The following GALK1 variants were observed in gnomAD, a reference collection of about 807,000 sequenced individuals.
GALK1 encodes the protein galactokinase.
In GALK1, 30 loss-of-function variants were observed where a neutral mutation model predicts 38.6. That is an observed-to-expected ratio of 0.78 (90% CI 0.58 to 1.05). GALK1 has a LOEUF of 1.05. Ranked by LOEUF, GALK1 falls within the 50% of genes least tolerant of loss-of-function variation. GALK1 has a pLI of 0.00. For synonymous variants in GALK1, 240 were observed against 233.6 expected, an observed-to-expected ratio of 1.03 and a Z score of -0.25; for missense variants, 512 against 540.5, an observed-to-expected ratio of 0.95 and a Z score of 0.52.
intron 5 of GALK1, among the ~76,000 whole-genome samples, chr17:75,759,449 G>C (rs1025790919): frequency 6.6e-6 from 1 of 151,470 alleles, no homozygotes; most frequent in African/African-American, 2.4e-5. Context: ...AAGAAAGAAA[G>C]AAAGAAATGA....
Position 75,752,292 on chromosome 17 carries a change from C to T in GALK1, c.*23-555G>A, listed in dbSNP as rs1003801308. 40 of 1,613,146 alleles carry T rather than the reference C, an allele frequency of 2.5e-5. No homozygotes were observed. The highest frequency in any genetic ancestry group is 9.3e-5 in the African/African-American group (7 of 74,936). ...ACACGGTGAAGGCGCGCAACGGGGC[C>T]GGCTGGGGGCCTGAGCGGGAGGCCA... On this transcript the variant is annotated intron_variant, in intron 8 of 8. Coordinates refer to the GALK1 transcript ENST00000225614.
chr17:75,763,566 T>A, intron 2 of GALK1, 127 bp from the exon 3 acceptor site: 1 of 1,119,058 alleles, frequency 8.9e-7, no homozygotes, highest in Non-Finnish European at 1.3e-6. Flanking sequence ...GTCTCAATTG[T>A]CAGAAGCCAC....
chr17:75,756,787 T>G, downstream of GALK1: 1 of 1,612,730 alleles, frequency 6.2e-7, no homozygotes, highest in African/African-American at 1.3e-5. Context: ...GCAGCTGAGC[T>G]GGGAGCGGCC....
At chr17:75,751,672 C>T (rs963858976) in exon 9 of GALK1, 5 of 216,716 alleles carry the variant, frequency 2.3e-5, no homozygotes, top group South Asian at 6.5e-5. Flanking sequence ...ACCCAGAAGG[C>T]GCAGGTTGCA....
chr17:75,754,640 GACC>G, downstream of GALK1: 1 of 1,614,024 alleles, frequency 6.2e-7, no homozygotes. Context: ...TGCACAGGAT[GACC>G]ACGACCAGTG....
downstream of GALK1, chr17:75,757,609 T>C: frequency 1.2e-6 from 2 of 1,607,916 alleles, no homozygotes; most frequent in Non-Finnish European, 1.7e-6. Context: ...CCGACTCCTC[T>C]CCCGGAGCCT....
chr17:75,752,241 C>A lies in GALK1; in HGVS notation c.*23-504G>T, dbSNP rs145351926. On this transcript the variant is annotated intron_variant, in intron 8 of 8. Coordinates refer to the GALK1 transcript ENST00000225614. Reference sequence around the variant, plus strand: ...AGAACCGGATGCTGCTTATTGAGAACCTTCGGGAGTCCCAGCCCTACCGCT... The same window carrying A: ...AGAACCGGATGCTGCTTATTGAGAAACTTCGGGAGTCCCAGCCCTACCGCT... 50 of 1,613,714 alleles carry A rather than the reference C, an allele frequency of 3.1e-5. No individual in the cohort carries two copies. Among genetic ancestry groups the A allele is most frequent in the South Asian group, 5.5e-5 (5 of 91,092 alleles).
chr17:75,755,865 C>T, downstream of GALK1: 1 of 1,598,880 alleles, frequency 6.3e-7, no homozygotes, highest in Non-Finnish European at 8.5e-7. Context: ...GGCATGGTGG[C>T]TGCCAGGCTG....
chr17:75,764,785 G>C (rs1257202979), intron 1 of GALK1, 187 bp downstream of exon 1: 1 of 685,840 alleles, frequency 1.5e-6, no homozygotes, highest in East Asian at 2.7e-5. Flanking sequence ...CCACTTCCTC[G>C]CTTCCTCCCT....
At position 75,758,322 on chromosome 17, in the gene GALK1, G is replaced by A. The variant is rs886053419; in HGVS notation, c.995C>T (p.Ala332Val). 1.4e-5 allele frequency: 23 copies of A among 1,593,790 alleles called. No homozygotes were observed. The highest frequency in any genetic ancestry group is 1.6e-4 in the Middle Eastern group (1 of 6,066). The change falls in exon 7 of 8, where the codon GCG becomes GTG. Residue 332 changes from alanine (A) to valine (V), a missense_variant. Coordinates refer to ENST00000588479, the MANE Select transcript of GALK1 (RefSeq NM_000154.2). ...GCCATAAACCCCAGGCACAGCAAGCGCAGCCTCCACCAGCTGGTCCAGCTC... is the reference window on the plus strand; with the variant it reads ...GCCATAAACCCCAGGCACAGCAAGCACAGCCTCCACCAGCTGGTCCAGCTC... Reference protein sequence around the residue: ...CPELDQLVEAALAVPGVYGSR... With the variant: ...CPELDQLVEAVLAVPGVYGSR...
downstream of GALK1, chr17:75,755,707 G>T (rs775852591): frequency 6.2e-7 from 1 of 1,612,822 alleles, no homozygotes; most frequent in Non-Finnish European, 8.5e-7. Context: ...CCAGACTCTC[G>T]CCTGACTGCT....
downstream of GALK1, chr17:75,755,085 G>A: frequency 5.6e-6 from 9 of 1,601,058 alleles, no homozygotes; most frequent in Non-Finnish European, 7.7e-6. Context: ...CACGGGAGGA[G>A]CAGGCTTCCG....
chr17:75,754,033 G>A (rs1163010958), downstream of GALK1: 4 of 819,732 alleles, frequency 4.9e-6, no homozygotes, highest in Middle Eastern at 4.2e-4. Flanking sequence ...TCGCGCCTGA[G>A]GGCCTGGGGT....
Position 75,758,522 on chromosome 17 carries a change from C to G in GALK1, c.871G>C (p.Ala291Pro). Residue 291 changes from alanine (A) to proline (P), a missense_variant, in exon 6 of 8, where the codon GCA (alanine) becomes CCA (proline). Physicochemically the swap from Ala to Pro is conservative, Grantham distance 27 (BLOSUM62 -1). Transcript: ENST00000588479. ...VVGEIRRTAQ[A>P]AAALRRGDYR... Reference sequence around the variant, plus strand: ...TCGCCACGTCTCAGGGCGGCCGCTGCCTGGGCCGTGCGCCGAATCTCCCCC... The same window carrying G: ...TCGCCACGTCTCAGGGCGGCCGCTGGCTGGGCCGTGCGCCGAATCTCCCCC... 6.3e-7 allele frequency: 1 copy of G among 1,588,720 alleles called. No homozygotes were observed. Among genetic ancestry groups the G allele is most frequent in the Non-Finnish European group, 8.5e-7 (1 of 1,171,728 alleles).
At chr17:75,764,948 G>C (rs763464166) in intron 1 of GALK1, 24 bp downstream of exon 1, 1 of 1,599,002 alleles carries the variant, frequency 6.3e-7, no homozygotes, top group Admixed American at 1.7e-5. Context: ...CGGCGGGCTA[G>C]GGGCTCCCCG....
chr17:75,755,920 G>A, downstream of GALK1: 3 of 1,544,636 alleles, frequency 1.9e-6, no homozygotes, highest in Non-Finnish European at 2.6e-6. Flanking sequence ...GACACATAGG[G>A]TACCTCAGCT....
intron 1 of GALK1, chr17:75,764,426 A>G (rs549620283): frequency 1.4e-5 from 8 of 586,802 alleles, no homozygotes; most frequent in Non-Finnish European, 2.6e-5. Flanking sequence ...GTACCTGTGC[A>G]CTCCCCAAGC....
downstream of GALK1, chr17:75,754,018 C>A (rs1351860872): frequency 7.6e-6 from 7 of 919,628 alleles, no homozygotes; most frequent in East Asian, 1.4e-4. Flanking sequence ...CCCACCCAGC[C>A]TCACTCGCGC....
At chr17:75,753,645 C>G (rs572047233), downstream of GALK1, 6 of 624,572 alleles carry the variant, frequency 9.6e-6, no homozygotes, top group African/African-American at 1.9e-5. Flanking sequence ...CAACACACAC[C>G]CCGGGATCCC....
Sources: gnomAD v4.1 joint callset for allele counts (sites outside exome capture counted in the v4.1 genomes callset) on GRCh38, gnomAD v4.1.1 for gene constraint, MANE v1.5 for transcripts, NCBI Gene and HGNC (gene_info 2026-07-23, HGNC 2026-07-21) for gene names.